KIAA0319L: variants seen among roughly 807,000 people sequenced by gnomAD.
The protein encoded by KIAA0319L is dyslexia-associated protein KIAA0319-like protein.
A neutral mutation model predicts 120.1 loss-of-function variants in KIAA0319L; 55 were observed. That is an observed-to-expected ratio of 0.46 (90% confidence interval 0.37 to 0.57). The LOEUF (loss-of-function observed/expected upper bound fraction) is 0.57. KIAA0319L is among the 20% of genes least tolerant of loss of function. The pLI, the probability that KIAA0319L is intolerant of heterozygous loss-of-function variation, is 0.00. For synonymous variants in KIAA0319L, 398 were observed against 471.9 expected (o/e 0.84, Z 2.03); for missense variants, 1,049 against 1,255.3 (o/e 0.84, Z 2.48).
intron 15 of KIAA0319L, 75 bp from the exon 16 acceptor site, chr1:35,448,407 T>C: frequency 7.3e-7 from 1 of 1,376,910 alleles, no homozygotes; most frequent in South Asian, 1.3e-5. Context: ...GCATTTGCTT[T>C]GGCACAGGAG....
At chr1:35,488,514 C>G (rs1644470439) in intron 3 of KIAA0319L, among the ~76,000 whole-genome samples, 1 of 152,098 alleles carries the variant, frequency 6.6e-6, no homozygotes, top group South Asian at 2.1e-4. Context: ...GCTAAAATAC[C>G]TCTGGGAAAT....
rs533596423 is a variant in KIAA0319L, at chr1:35,469,564, T to A, written c.1113+1299A>T. Among the ~76,000 whole-genome samples, 3 of 151,826 alleles carry A rather than the reference T, an allele frequency of 2.0e-5. No homozygotes were observed. The East Asian group carries it at 5.8e-4, about 30-fold the overall frequency. ...CCTTTCCCCACATTTTCGCTCCCATTTTTGGCCCAGTGGACATGTTGCTTC... is the reference window on the plus strand; with the variant it reads ...CCTTTCCCCACATTTTCGCTCCCATATTTGGCCCAGTGGACATGTTGCTTC... On this transcript the variant is annotated intron_variant, in intron 6 of 20. Coordinates refer to ENST00000325722, the MANE Select transcript of KIAA0319L (RefSeq NM_024874.5).
chr1:35,475,038 T>G, intron 4 of KIAA0319L, 132 bp from the exon 5 acceptor site: 1 of 577,332 alleles, frequency 1.7e-6, no homozygotes, highest in South Asian at 2.2e-5. Flanking sequence ...TTTTTTCTAC[T>G]CTCTAATTGC....
chr1:35,457,395 G>A (rs77939399), intron 9 of KIAA0319L, among the ~76,000 whole-genome samples: 1,858 of 150,774 alleles, frequency 0.012, 40 homozygotes, highest in African/African-American at 0.043. Flanking sequence ...CCTGCGGGAC[G>A]AACCAGGAGG....
rs1570588449 is a variant in KIAA0319L, at chr1:35,436,123, G to A, written c.2963-1042C>T. Among the ~76,000 whole-genome samples the A allele has an allele frequency of 2.0e-5, 3 of 152,270 alleles. No individual in the cohort carries two copies. The South Asian group carries it at 6.2e-4, about 32-fold the overall frequency. ...TCATTCTCCCTTCTCCGGGGAGAAG[G>A]ATCCAGATCTCCCTCACATACTGAA... On this transcript the variant is annotated intron_variant, in intron 20 of 20. Coordinates refer to ENST00000325722, the MANE Select transcript of KIAA0319L (RefSeq NM_024874.5).
At chr1:35,484,993 C>T (rs1644333539) in intron 3 of KIAA0319L, among the ~76,000 whole-genome samples, 1 of 120,110 alleles carries the variant, frequency 8.3e-6, no homozygotes, top group Admixed American at 1.1e-4. Context: ...GTGTGATATT[C>T]CCCTTCCCAT....
chr1:35,503,357 A>AT (rs1188139790), intron 3 of KIAA0319L, among the ~76,000 whole-genome samples: 1 of 152,166 alleles, frequency 6.6e-6, no homozygotes, highest in African/African-American at 2.4e-5. Context: ...TTCCTGCCCT[A>AT]TAAGGCAGTG....
chr1:35,522,306 G>A (rs534736736), intron 2 of KIAA0319L, among the ~76,000 whole-genome samples: 2 of 152,270 alleles, frequency 1.3e-5, no homozygotes, highest in East Asian at 3.9e-4. Flanking sequence ...TTGAGACAGA[G>A]TCTCACTCTA....
At chr1:35,504,786 A>G (rs747040151) in intron 3 of KIAA0319L, among the ~76,000 whole-genome samples, 16 of 152,140 alleles carry the variant, frequency 1.1e-4, no homozygotes, top group Non-Finnish European at 1.9e-4. Context: ...AAAACTCCCT[A>G]ATGGTTTCCC....
chr1:35,442,736 A>C (rs548927158), intron 18 of KIAA0319L, among the ~76,000 whole-genome samples, 170 bp downstream of exon 18: 2 of 152,290 alleles, frequency 1.3e-5, no homozygotes, highest in Admixed American at 1.3e-4. Flanking sequence ...CTTTCCTCTA[A>C]CCTTGAGCAA....
intron 3 of KIAA0319L, among the ~76,000 whole-genome samples, chr1:35,493,619 G>A (rs1354170939): frequency 6.6e-6 from 1 of 152,000 alleles, no homozygotes; most frequent in Non-Finnish European, 1.5e-5. Flanking sequence ...TTGGGAGGCC[G>A]AGGCAGGTGG....
At chr1:35,472,945 C>T (rs899463742) in intron 5 of KIAA0319L, among the ~76,000 whole-genome samples, 12 of 151,134 alleles carry the variant, frequency 7.9e-5, no homozygotes, top group Admixed American at 5.3e-4. Context: ...CCCACCATCA[C>T]GCCTGGCTTA....
At chr1:35,436,274 A>G (rs530227865) in intron 20 of KIAA0319L, among the ~76,000 whole-genome samples, 1 of 152,344 alleles carries the variant, frequency 6.6e-6, no homozygotes, top group East Asian at 1.9e-4. Context: ...TCAGGACCAC[A>G]TGCGCCCAAG....
intron 2 of KIAA0319L, among the ~76,000 whole-genome samples, chr1:35,531,022 G>A (rs1161014735): frequency 2.0e-5 from 3 of 152,220 alleles, no homozygotes; most frequent in Non-Finnish European, 4.4e-5. Context: ...AGACAAGAGG[G>A]AGGCAGGGCT....
chr1:35,475,144 T>C (rs925812791), intron 4 of KIAA0319L, among the ~76,000 whole-genome samples: 10 of 152,232 alleles, frequency 6.6e-5, no homozygotes, highest in Non-Finnish European at 1.2e-4. Flanking sequence ...ACCCTCATTC[T>C]TCATCTCACA....
At chr1:35,545,019 T>C (rs1646929477) in intron 2 of KIAA0319L, among the ~76,000 whole-genome samples, 1 of 152,022 alleles carries the variant, frequency 6.6e-6, no homozygotes. Flanking sequence ...AGATGTGAGT[T>C]TGGCTAGAAG....
At chr1:35,491,544 A>G (rs1203133) in intron 3 of KIAA0319L, among the ~76,000 whole-genome samples, 35,060 of 152,126 alleles carry the variant, frequency 0.23, 8,618 homozygotes, top group African/African-American at 0.58. Flanking sequence ...ACATTGACAC[A>G]GTATCTCGAA....
chr1:35,443,558 G>A (rs1050860356), intron 17 of KIAA0319L, among the ~76,000 whole-genome samples: 1 of 152,084 alleles, frequency 6.6e-6, no homozygotes, highest in Non-Finnish European at 1.5e-5. Flanking sequence ...TGTAATCCCA[G>A]CTATTTGGGA....
In KIAA0319L at chr1:35,434,543, A is replaced by T; in HGVS notation, c.*351T>A. ...GTGTGCGGGCAGCACAGCAGGCCTC[A>T]CCTTGCAGCACTCTGGGCACAATGA... On this transcript the variant is annotated 3_prime_UTR_variant, in exon 21 of 21. Coordinates refer to ENST00000325722, the MANE Select transcript of KIAA0319L (RefSeq NM_024874.5). The T allele has an allele frequency of 4.3e-6, 1 of 231,442 alleles. No homozygotes were observed. Among genetic ancestry groups the T allele is most frequent in the Non-Finnish European group, 8.3e-6 (1 of 120,192 alleles). 14.3% of individuals were successfully genotyped at this position (231,442 alleles called of 1,614,324 possible).
Sources: gnomAD v4.1 joint callset for allele counts (sites outside exome capture counted in the v4.1 genomes callset) on GRCh38, gnomAD v4.1.1 for gene constraint, MANE v1.5 for transcripts, NCBI Gene and HGNC (gene_info 2026-07-23, HGNC 2026-07-21) for gene names.